DENND1B: variants seen among roughly 807,000 people sequenced by gnomAD.
DENND1B encodes DENN domain containing 1B.
Under a neutral mutation model 90.1 loss-of-function variants are expected in DENND1B, and 59 were observed. The ratio of observed to expected loss-of-function variants is 0.65; its 90% CI spans 0.53 to 0.81. The LOEUF (loss-of-function observed/expected upper bound fraction) is 0.81. Among genes scored for constraint, DENND1B ranks in the 40% least tolerant of loss-of-function variants. The probability of loss-of-function intolerance (pLI) is 0.00; values close to 1 mark genes in which losing one functional copy is unlikely to be tolerated. For missense variants in DENND1B, 862 were observed against 912.6 expected, an observed-to-expected ratio of 0.94 and a Z score of 0.71; for synonymous variants, 337 against 324.6, an observed-to-expected ratio of 1.04 and a Z score of -0.41.
At chr1:197,625,687 A>G (rs1252173479) in intron 10 of DENND1B, among the ~76,000 whole-genome samples, 3 of 152,012 alleles carry the variant, frequency 2.0e-5, no homozygotes, top group African/African-American at 2.4e-5. Flanking sequence ...ATGTAAATGG[A>G]CTAAATGCTC....
chr1:197,586,962 C>G (rs1262755586), intron 14 of DENND1B, among the ~76,000 whole-genome samples: 5 of 152,108 alleles, frequency 3.3e-5, no homozygotes, highest in Non-Finnish European at 5.9e-5. Flanking sequence ...TGGTGAGGCA[C>G]TCCCATTTAG....
At position 197,516,242 on chromosome 1, in the gene DENND1B, C is replaced by T. The variant is rs1668392003; in HGVS notation, c.1516-3289G>A. Among the ~76,000 whole-genome samples the T allele has an allele frequency of 2.0e-5, 3 of 151,810 alleles. No individual in the cohort carries two copies. The South Asian group carries it at 6.2e-4, about 31-fold the overall frequency. On this transcript the variant is annotated intron_variant, in intron 20 of 22. Transcript: ENST00000620048. Reference sequence around the variant, plus strand: ...GTTATCCATACTTATTATACATGTACTTATGTACTTAAAATTATATACATA... The same window carrying T: ...GTTATCCATACTTATTATACATGTATTTATGTACTTAAAATTATATACATA...
intron 20 of DENND1B, among the ~76,000 whole-genome samples, chr1:197,528,777 G>A (rs1404975232): frequency 1.3e-5 from 2 of 150,596 alleles, no homozygotes; most frequent in African/African-American, 2.4e-5. Flanking sequence ...GGAGAATGGC[G>A]TGAACCCGGG....
chr1:197,606,831 G>A (rs1454956189), intron 13 of DENND1B: 2 of 374,512 alleles, frequency 5.3e-6, no homozygotes, highest in Non-Finnish European at 9.5e-6. Context: ...TCTGCCTAAT[G>A]AATGCATCTA....
chr1:197,542,943 T>TTATTTATC (rs1341547702), intron 18 of DENND1B, among the ~76,000 whole-genome samples: 42 of 150,404 alleles, frequency 2.8e-4, no homozygotes, highest in African/African-American at 9.8e-4. Context: ...ATTTATTTAT[T>TTATTTATC]TTTTTCCCTG....
chr1:197,603,310 T>C (rs967548325), intron 13 of DENND1B, among the ~76,000 whole-genome samples: 1 of 151,362 alleles, frequency 6.6e-6, no homozygotes, highest in Admixed American at 6.6e-5. Context: ...ATTCATTACA[T>C]TGTATATCAC....
At chr1:197,775,053 G>C in intron 1 of DENND1B, 86 bp downstream of exon 1, 1 of 961,144 alleles carries the variant, frequency 1.0e-6, no homozygotes, top group Non-Finnish European at 1.3e-6. Context: ...AGCCGGTTGA[G>C]CGCGGAGGCG....
intron 3 of DENND1B, among the ~76,000 whole-genome samples, chr1:197,677,586 G>A (rs889620177): frequency 2.6e-5 from 4 of 152,000 alleles, no homozygotes; most frequent in African/African-American, 9.7e-5. Flanking sequence ...CTCAATGGAG[G>A]GTGGAAAGGA....
chr1:197,692,008 TA>T (rs1657942762), intron 3 of DENND1B, among the ~76,000 whole-genome samples: 1 of 151,876 alleles, frequency 6.6e-6, no homozygotes, highest in Non-Finnish European at 1.5e-5. Context: ...AAAGTTCAGT[TA>T]TATAACATGA....
In DENND1B at chr1:197,509,354, T is replaced by G. The variant is rs539701930; in HGVS notation, c.*1106A>C. 2.0e-5 allele frequency: 3 copies of G among 151,804 alleles called. No homozygotes were observed. The highest frequency in any genetic ancestry group is 4.4e-5 in the Non-Finnish European group (3 of 67,852). 9.4% of individuals were successfully genotyped at this position (151,804 alleles called of 1,614,324 possible). On this transcript the variant is annotated 3_prime_UTR_variant, in exon 23 of 23. Coordinates refer to ENST00000620048, the MANE Select transcript of DENND1B (RefSeq NM_001195215.2). Reference sequence around the variant, plus strand: ...TCCAACTCAATATAGTGTGGTATTCTGAATAGGATCTTGATGTGGAAAATG... The same window carrying G: ...TCCAACTCAATATAGTGTGGTATTCGGAATAGGATCTTGATGTGGAAAATG...
At chr1:197,759,084 C>T (rs1654675926) in intron 2 of DENND1B, among the ~76,000 whole-genome samples, 1 of 150,148 alleles carries the variant, frequency 6.7e-6, no homozygotes, top group African/African-American at 2.5e-5. Context: ...ATTCTCCTGC[C>T]TCAGCCTCCC....
At chr1:197,751,370 T>A (rs1170531024) in intron 2 of DENND1B, among the ~76,000 whole-genome samples, 5 of 152,150 alleles carry the variant, frequency 3.3e-5, no homozygotes, top group Admixed American at 3.3e-4. Context: ...TAGAAAATAT[T>A]TTCAACTACA....
At chr1:197,550,790 T>A (rs1022918253) in intron 16 of DENND1B, among the ~76,000 whole-genome samples, 1 of 151,252 alleles carries the variant, frequency 6.6e-6, no homozygotes, top group South Asian at 2.1e-4. Context: ...TGTGCACGTG[T>A]ACCCTAAAAC....
intron 15 of DENND1B, among the ~76,000 whole-genome samples, chr1:197,575,372 C>T (rs1673576883): frequency 6.6e-6 from 1 of 152,202 alleles, no homozygotes; most frequent in Middle Eastern, 3.4e-3. Flanking sequence ...CAAATCAAAA[C>T]CACAATGAGA....
chr1:197,684,333 G>T (rs73077604), intron 3 of DENND1B, among the ~76,000 whole-genome samples: 3,478 of 152,172 alleles, frequency 0.023, 131 homozygotes, highest in African/African-American at 0.079. Context: ...ATAGAGTTAG[G>T]ATTTGAAAAC....
chr1:197,579,885 C>T (rs1162024548), intron 15 of DENND1B, among the ~76,000 whole-genome samples: 1 of 152,014 alleles, frequency 6.6e-6, no homozygotes, highest in Non-Finnish European at 1.5e-5. Context: ...TGGCTTTGCA[C>T]TCTTTGAAGT....
At chr1:197,713,708 C>T (rs1418443748) in intron 3 of DENND1B, among the ~76,000 whole-genome samples, 1 of 74,094 alleles carries the variant, frequency 1.3e-5, no homozygotes, top group African/African-American at 5.1e-5. Flanking sequence ...ACAATGTGCA[C>T]ATGTACTCTA....
In DENND1B at chr1:197,507,108, TTG is replaced by T. The variant is rs1412549742; in HGVS notation, c.*3350_*3351del. 3 of 150,570 alleles carry T rather than the reference TTG, an allele frequency of 2.0e-5. No individual in the cohort carries two copies. Among genetic ancestry groups the T allele is most frequent in the Middle Eastern group, 3.5e-3 (1 of 288 alleles). The allele number at this position is 150,570 out of a possible 1,614,324, so 9.3% of individuals were successfully genotyped here. On this transcript the variant is annotated 3_prime_UTR_variant, in exon 23 of 23. Coordinates refer to ENST00000620048, the MANE Select transcript of DENND1B (RefSeq NM_001195215.2). The stretch of plus-strand genomic sequence containing the variant: ...TTTTTGTTCTTTTTTTTTGAACTTT[TTG>T]TGTGTTAGAATCTCAGCTAATAACT...
At chr1:197,671,931 C>G in intron 5 of DENND1B, 106 bp downstream of exon 5, 1 of 1,169,380 alleles carries the variant, frequency 8.6e-7, no homozygotes, top group African/African-American at 1.6e-5. Flanking sequence ...TATTTTTCAA[C>G]TTGTTTTTAA....
Sources: gnomAD v4.1 joint callset for allele counts (sites outside exome capture counted in the v4.1 genomes callset) on GRCh38, gnomAD v4.1.1 for gene constraint, MANE v1.5 for transcripts, NCBI Gene and HGNC (gene_info 2026-07-23, HGNC 2026-07-21) for gene names.